STAU2: variants seen among roughly 807,000 people sequenced by gnomAD.
The protein encoded by STAU2 is double-stranded RNA-binding protein Staufen homolog 2.
In STAU2, 20 loss-of-function variants were observed where a neutral mutation model predicts 65.9. The ratio of observed to expected loss-of-function variants is 0.30; its 90% CI spans 0.21 to 0.44. The LOEUF is 0.44. Ranked by LOEUF, STAU2 falls within the 20% of genes least tolerant of loss-of-function variation. The pLI, the probability that STAU2 is intolerant of heterozygous loss-of-function variation, is 1.00. For synonymous variants in STAU2, 232 were observed against 233.9 expected (o/e 0.99, Z 0.07); for missense variants, 558 against 683.9 (o/e 0.82, Z 2.05).
At chr8:73,520,554 T>A (rs1457101401) in intron 13 of STAU2, among the ~76,000 whole-genome samples, 1 of 152,122 alleles carries the variant, frequency 6.6e-6, no homozygotes, top group Non-Finnish European at 1.5e-5. Context: ...AAACCAGAAG[T>A]GATTACTTCT....
chr8:73,642,837 C>T (rs1344364300), intron 6 of STAU2, among the ~76,000 whole-genome samples: 1 of 152,074 alleles, frequency 6.6e-6, no homozygotes, highest in Non-Finnish European at 1.5e-5. Flanking sequence ...AAAATAAATA[C>T]CTCTAAAATG....
upstream of STAU2, chr8:73,746,945 T>C: frequency 5.7e-6 from 5 of 873,678 alleles, no homozygotes; most frequent in Non-Finnish European, 6.8e-6. Flanking sequence ...CCTCCCGCGC[T>C]CGCGCCGCGC....
At chr8:73,525,655 C>G (rs373269115) in intron 13 of STAU2, among the ~76,000 whole-genome samples, 205 of 152,322 alleles carry the variant, frequency 1.3e-3, no homozygotes, top group African/African-American at 4.7e-3. Flanking sequence ...AGCAACATGC[C>G]ACCTCTGTGA....
chr8:73,737,431 A>G (rs942147743), intron 3 of STAU2, among the ~76,000 whole-genome samples: 17 of 152,180 alleles, frequency 1.1e-4, no homozygotes, highest in Non-Finnish European at 5.9e-5. Context: ...TTGGCCTCCC[A>G]AAGTGCTGGG....
At chr8:73,599,770 C>A (rs1811488673) in intron 10 of STAU2, among the ~76,000 whole-genome samples, 1 of 145,910 alleles carries the variant, frequency 6.9e-6, no homozygotes, top group Non-Finnish European at 1.5e-5. Context: ...TCCAACAGTA[C>A]TTTTTTTTTT....
Position 73,651,626 on chromosome 8 carries a change from T to C in STAU2, c.410+21481A>G, listed in dbSNP as rs190946693. 209 of 607,468 alleles carry C rather than the reference T, an allele frequency of 3.4e-4. 2 individuals are homozygous for C. In the East Asian group the frequency reaches 6.8e-3, roughly 20 times the overall value. 37.6% of individuals were successfully genotyped at this position (607,468 alleles called of 1,614,324 possible). A position where few individuals can be genotyped will look rare whatever the true frequency, so the allele number is the denominator to read the frequency against. On this transcript the variant is annotated intron_variant, in intron 6 of 14. Transcript: ENST00000524300. ...GTCCCCTGGCTCCTTCTGGGGTCTC[T>C]GCAAGTGGAACAAGAGGCCCTGGCC...
intron 6 of STAU2, among the ~76,000 whole-genome samples, chr8:73,642,526 TAA>T (rs76887476): frequency 6.9e-6 from 1 of 145,576 alleles, no homozygotes; most frequent in Non-Finnish European, 1.5e-5. Context: ...CGTCCAAAAA[TAA>T]AAAAAAAAAA....
intron 5 of STAU2, among the ~76,000 whole-genome samples, chr8:73,687,657 C>T (rs907222469): frequency 8.6e-5 from 13 of 151,248 alleles, no homozygotes; most frequent in African/African-American, 3.2e-4. Flanking sequence ...CTTACCCAGG[C>T]CTCCCAAAGT....
chr8:73,653,912 A>G (rs1233540609), intron 6 of STAU2: 1 of 442,738 alleles, frequency 2.3e-6, no homozygotes, highest in East Asian at 7.7e-5. Flanking sequence ...AATCAAGGTA[A>G]ATATTAAGTT....
At chr8:73,437,301 C>T (rs1166005530) in intron 13 of STAU2, among the ~76,000 whole-genome samples, 1 of 152,172 alleles carries the variant, frequency 6.6e-6, no homozygotes, top group Non-Finnish European at 1.5e-5. Flanking sequence ...CCAATCTAAT[C>T]ACACAAGTGC....
Position 73,681,206 on chromosome 8 carries a change from C to G in STAU2, c.274+7448G>C, listed in dbSNP as rs140515447. Among the ~76,000 whole-genome samples the G allele has an allele frequency of 1.4e-3, 212 of 152,174 alleles. 1 individual carries two copies. In the East Asian group the frequency reaches 0.024, roughly 18 times the overall value. On this transcript the variant is annotated intron_variant, in intron 5 of 14. Coordinates refer to ENST00000524300, the MANE Select transcript of STAU2 (RefSeq NM_001164380.2). ...AAGTCAAAGGAAATAATCTTAAGATCTGTGAGGCAAAAGCACCAGGTAACC... is the reference window on the plus strand; with the variant it reads ...AAGTCAAAGGAAATAATCTTAAGATGTGTGAGGCAAAAGCACCAGGTAACC...
At chr8:73,598,066 A>G (rs1168844303) in intron 10 of STAU2, among the ~76,000 whole-genome samples, 1 of 152,212 alleles carries the variant, frequency 6.6e-6, no homozygotes, top group African/African-American at 2.4e-5. Flanking sequence ...CAAAAGTTTT[A>G]AACAGTATAA....
Position 73,683,373 on chromosome 8 carries a change from T to G in STAU2, c.274+5281A>C, listed in dbSNP as rs144638422. Among the ~76,000 whole-genome samples the G allele has an allele frequency of 5.9e-4, 89 of 151,934 alleles. 1 individual carries two copies. In the South Asian group the frequency reaches 0.012, roughly 21 times the overall value. On this transcript the variant is annotated intron_variant, in intron 5 of 14. Coordinates refer to ENST00000524300, the MANE Select transcript of STAU2 (RefSeq NM_001164380.2). ...AATTAAAAACAAAAATCACATGACA[T>G]CTCAACAAAGAAAAAGCATTTTACA...
intron 13 of STAU2, among the ~76,000 whole-genome samples, chr8:73,444,177 C>A (rs997753754): frequency 1.3e-5 from 2 of 152,068 alleles, no homozygotes; most frequent in Non-Finnish European, 2.9e-5. Context: ...AAGGCCGAGG[C>A]GGGCAGATCA....
intron 13 of STAU2, among the ~76,000 whole-genome samples, chr8:73,546,148 G>GTTTTTTTTTTTTTTTTTTTTTTTTTT (rs1563412799): frequency 4.3e-5 from 5 of 116,462 alleles, no homozygotes; most frequent in Non-Finnish European, 6.5e-5. Flanking sequence ...TTTTTTTTTG[G>GTTTTTTTTTTTTTTTTTTTTTTTTTT]TAGAGACAGA....
chr8:73,421,849 T>C (rs1563579597), intron 14 of STAU2, among the ~76,000 whole-genome samples: 1 of 152,240 alleles, frequency 6.6e-6, no homozygotes, highest in African/African-American at 2.4e-5. Flanking sequence ...TTTTATTTTC[T>C]TTTAAACCTA....
At chr8:73,508,575 C>T (rs1430333250) in intron 13 of STAU2, among the ~76,000 whole-genome samples, 9 of 152,114 alleles carry the variant, frequency 5.9e-5, no homozygotes, top group Non-Finnish European at 1.3e-4. Flanking sequence ...AAATGTGACA[C>T]AGAGACATGA....
At chr8:73,445,259 G>C (rs759078744) in intron 13 of STAU2, among the ~76,000 whole-genome samples, 1 of 152,112 alleles carries the variant, frequency 6.6e-6, no homozygotes, top group Admixed American at 6.5e-5. Context: ...GTTTCTGCAG[G>C]GTTGCACTCC....
In STAU2 at chr8:73,637,477, TAAAAAAAAAAAAA is replaced by T. The variant is rs60833468; in HGVS notation, c.411-20039_411-20027del. ...TAAAGTCTTTATAAAGTGCTGAAAG[TAAAAAAAAAAAAA>T]AAAAAAAAAAAAAAAGAAAAGAAAA... is the stretch of plus-strand genomic sequence containing the variant. On this transcript the variant is annotated intron_variant, in intron 6 of 14. Coordinates refer to ENST00000524300, the MANE Select transcript of STAU2 (RefSeq NM_001164380.2). Among the ~76,000 whole-genome samples, 313 of 57,132 alleles carry T rather than the reference TAAAAAAAAAAAAA, an allele frequency of 5.5e-3. 1 individual carries two copies. Among genetic ancestry groups the T allele is most frequent in the Admixed American group, 0.015 (52 of 3,410 alleles). 37.5% of individuals were successfully genotyped at this position (57,132 alleles called of 152,430 possible).
Sources: allele counts gnomAD v4.1 joint callset (sites outside exome capture counted in the v4.1 genomes callset), GRCh38; gene constraint gnomAD v4.1.1; transcripts MANE v1.5; gene names NCBI Gene and HGNC (gene_info 2026-07-23, HGNC 2026-07-21).